Variants in NUDCD1 observed in about 807,000 individuals in gnomAD.
The protein encoded by NUDCD1 is NudC domain containing 1, also known as nudC domain-containing protein 1.
A neutral mutation model predicts 67.8 loss-of-function variants in NUDCD1; 60 were observed. That is an observed-to-expected ratio of 0.88 (90% CI 0.72 to 1.10). The LOEUF is 1.10. NUDCD1 is among the 50% of genes least tolerant of loss of function. NUDCD1 has a pLI of 0.00. For missense variants in NUDCD1, 643 were observed against 695.0 expected, an observed-to-expected ratio of 0.93 and a Z score of 0.84; for synonymous variants, 244 against 230.8, an observed-to-expected ratio of 1.06 and a Z score of -0.52.
chr8:109,294,731 C>T (rs1814801480), intron 3 of NUDCD1, among the ~76,000 whole-genome samples: 1 of 152,038 alleles, frequency 6.6e-6, no homozygotes, highest in African/African-American at 2.4e-5. Context: ...CATGGCACTT[C>T]CATGGTATTA....
intron 5 of NUDCD1, among the ~76,000 whole-genome samples, chr8:109,289,242 T>C (rs1243475442): frequency 6.6e-6 from 1 of 152,158 alleles, no homozygotes; most frequent in African/African-American, 2.4e-5. Flanking sequence ...CCCAAAGTGC[T>C]GGGATTACAG....
At chr8:109,263,714 G>A (rs1813923313) in intron 8 of NUDCD1, among the ~76,000 whole-genome samples, 1 of 152,086 alleles carries the variant, frequency 6.6e-6, no homozygotes, top group African/African-American at 2.4e-5. Context: ...GAACCCTATT[G>A]GGTTGGGGAG....
Position 109,289,833 on chromosome 8 carries a change from T to C in NUDCD1, c.741A>G (p.Val247=). The change falls in exon 5 of 10, where the codon GTA becomes GTG. Residue 247 remains valine (V), a synonymous_variant. Transcript: ENST00000239690. ...IEPDGNGLMI[V]SYKSLTFVQA... ...GAACAAATGTTAAAGACTTGTAGGATACAATCATTAGACCATTTCCATCAG... is the reference window on the plus strand; with the variant it reads ...GAACAAATGTTAAAGACTTGTAGGACACAATCATTAGACCATTTCCATCAG... 6.4e-7 allele frequency: 1 copy of C among 1,566,868 alleles called. No homozygotes were observed.
chr8:109,264,178 C>T (rs1460724819), intron 8 of NUDCD1, among the ~76,000 whole-genome samples: 1 of 152,126 alleles, frequency 6.6e-6, no homozygotes, highest in Non-Finnish European at 1.5e-5. Context: ...CATGGAACAT[C>T]ATTTTTACCT....
intron 8 of NUDCD1, among the ~76,000 whole-genome samples, chr8:109,258,541 T>A (rs1813790913): frequency 6.6e-6 from 1 of 152,130 alleles, no homozygotes; most frequent in African/African-American, 2.4e-5. Context: ...TAAAAATTCT[T>A]CCAACTGGGA....
At chr8:109,330,646 T>A (rs539270287) in intron 1 of NUDCD1, among the ~76,000 whole-genome samples, 1 of 152,314 alleles carries the variant, frequency 6.6e-6, no homozygotes, top group South Asian at 2.1e-4. Flanking sequence ...AACTCCCGTA[T>A]CTGTTCACGT....
chr8:109,332,501 C>T (rs1815831530), intron 1 of NUDCD1, among the ~76,000 whole-genome samples: 1 of 152,192 alleles, frequency 6.6e-6, no homozygotes, highest in South Asian at 2.1e-4. Flanking sequence ...CTTAAACAAG[C>T]TTATAGTCTG....
At chr8:109,303,019 C>G (rs1217930242) in intron 2 of NUDCD1, among the ~76,000 whole-genome samples, 5 of 152,336 alleles carry the variant, frequency 3.3e-5, no homozygotes, top group Non-Finnish European at 7.3e-5. Flanking sequence ...ACCAAAACTT[C>G]AAAAAGCCTA....
chr8:109,265,838 G>T (rs921801665), intron 8 of NUDCD1, among the ~76,000 whole-genome samples: 4 of 152,102 alleles, frequency 2.6e-5, no homozygotes, highest in African/African-American at 9.7e-5. Flanking sequence ...CATCTGACAG[G>T]ATGCGGAGCT....
intron 8 of NUDCD1, among the ~76,000 whole-genome samples, chr8:109,261,089 A>T (rs888655996): frequency 1.3e-5 from 2 of 152,198 alleles, no homozygotes; most frequent in African/African-American, 4.8e-5. Flanking sequence ...ATTTTAAATG[A>T]TTATATTTGT....
At chr8:109,279,797 A>C (rs900766432) in intron 6 of NUDCD1, among the ~76,000 whole-genome samples, 1 of 152,062 alleles carries the variant, frequency 6.6e-6, no homozygotes, top group East Asian at 1.9e-4. Context: ...ACGCCCAGCT[A>C]ATTTTTGTGT....
At chr8:109,314,198 T>C (rs1385371023) in intron 2 of NUDCD1, among the ~76,000 whole-genome samples, 3 of 152,176 alleles carry the variant, frequency 2.0e-5, no homozygotes, top group African/African-American at 7.2e-5. Context: ...ATTTTCTTTT[T>C]CCTCACAAAA....
intron 6 of NUDCD1, among the ~76,000 whole-genome samples, chr8:109,280,401 G>A (rs1378733024): frequency 6.6e-6 from 1 of 152,120 alleles, no homozygotes; most frequent in African/African-American, 2.4e-5. Flanking sequence ...TCCTACCTCA[G>A]CATCCCAAAT....
chr8:109,321,307 G>A (rs1258443005), intron 2 of NUDCD1, among the ~76,000 whole-genome samples: 3 of 152,068 alleles, frequency 2.0e-5, no homozygotes, highest in Non-Finnish European at 4.4e-5. Context: ...GATAAAATTA[G>A]CTCAAACAAT....
intron 8 of NUDCD1, among the ~76,000 whole-genome samples, chr8:109,258,099 A>G (rs1813779851): frequency 6.6e-6 from 1 of 152,150 alleles, no homozygotes. Flanking sequence ...GGCCACAAAG[A>G]TGACTTTGTG....
intron 2 of NUDCD1, 84 bp downstream of exon 2, chr8:109,322,225 A>T: frequency 1.5e-6 from 1 of 672,832 alleles, no homozygotes. Context: ...TTCTCTGGAT[A>T]TTAGATTCAA....
chr8:109,323,374 AAAAT>A (rs1475504099), intron 1 of NUDCD1, among the ~76,000 whole-genome samples: 10 of 152,188 alleles, frequency 6.6e-5, no homozygotes, highest in East Asian at 1.9e-4. Flanking sequence ...TATAAATTTA[AAAAT>A]AAATAAATAA....
chr8:109,319,527 C>A (rs969980270), intron 2 of NUDCD1, among the ~76,000 whole-genome samples: 2 of 152,142 alleles, frequency 1.3e-5, no homozygotes, highest in African/African-American at 4.8e-5. Flanking sequence ...GATGTCAAGG[C>A]AAGCTTGCTA....
chr8:109,259,172 T>G (rs1404186600), intron 8 of NUDCD1, among the ~76,000 whole-genome samples: 1 of 152,242 alleles, frequency 6.6e-6, no homozygotes, highest in Admixed American at 6.5e-5. Flanking sequence ...ATAGCATCTC[T>G]TTCCAAAGCA....
Sources: gnomAD v4.1 joint callset for allele counts (sites outside exome capture counted in the v4.1 genomes callset) on GRCh38, gnomAD v4.1.1 for gene constraint, MANE v1.5 for transcripts, NCBI Gene and HGNC (gene_info 2026-07-23, HGNC 2026-07-21) for gene names.